Variants in NFIB observed in about 807,000 individuals in gnomAD.
NFIB encodes nuclear factor 1 B-type.
NFIB carries 11 observed loss-of-function variants against 61.5 expected under a neutral mutation model. That is an observed-to-expected ratio of 0.18 (90% CI 0.11 to 0.30). NFIB has a LOEUF of 0.30. Ranked by LOEUF, NFIB falls within the 10% of genes least tolerant of loss-of-function variation. The pLI, the probability that NFIB is intolerant of heterozygous loss-of-function variation, is 1.00. For synonymous variants in NFIB, 260 were observed against 216.5 expected (o/e 1.20, Z -1.76); for missense variants, 471 against 608.9 (o/e 0.77, Z 2.38).
the NFIB span, among the ~76,000 whole-genome samples, chr9:14,455,284 T>C: frequency 2.6e-5 from 4 of 152,358 alleles, no homozygotes; most frequent in South Asian, 8.3e-4. Flanking sequence ...CATGTAATTA[T>C]CTGCTTTTGA....
intron 1 of NFIB, among the ~76,000 whole-genome samples, chr9:14,372,530 A>G (rs968808369): frequency 3.9e-5 from 6 of 151,968 alleles, no homozygotes; most frequent in Non-Finnish European, 7.4e-5. Context: ...AGCTGTGGCT[A>G]TTTTTCAAAT....
intron 2 of NFIB, among the ~76,000 whole-genome samples, chr9:14,187,005 C>CTGTGTG (rs762584581): frequency 1.6e-4 from 10 of 64,146 alleles, no homozygotes; most frequent in East Asian, 8.6e-4. Flanking sequence ...TTCTTCGCTC[C>CTGTGTG]TGTGTGTGTG....
At chr9:14,133,795 A>C (rs999623776) in intron 6 of NFIB, among the ~76,000 whole-genome samples, 5 of 152,226 alleles carry the variant, frequency 3.3e-5, no homozygotes, top group East Asian at 1.9e-4. Context: ...TTAAGATCCC[A>C]GTCCAAAGCT....
rs768882312 is a variant in NFIB, at chr9:14,084,863, G to T, written c.*3446C>A. 1 of 229,034 alleles carries T rather than the reference G, an allele frequency of 4.4e-6. No individual in the cohort carries two copies. The highest frequency in any genetic ancestry group is 8.7e-6 in the Non-Finnish European group (1 of 115,506). The allele number at this position is 229,034 out of a possible 1,614,324, so 14.2% of individuals were successfully genotyped here. ...CTCAAAAAGGAAAGAAGAAAAAATT[G>T]ATTTGAAATAAAAAAAGCAACACTT... On this transcript the variant is annotated 3_prime_UTR_variant, in exon 11 of 11. Coordinates refer to ENST00000380953, the MANE Select transcript of NFIB (RefSeq NM_001190737.2).
At chr9:14,465,572 TACAC>T in the NFIB span, among the ~76,000 whole-genome samples, 26,772 of 146,140 alleles carry the variant, frequency 0.18, 2,497 homozygotes, top group African/African-American at 0.25. Flanking sequence ...AATGACTTGT[TACAC>T]ACACACACAC....
the NFIB span, among the ~76,000 whole-genome samples, chr9:14,426,168 T>C: frequency 5.2e-5 from 6 of 115,476 alleles, no homozygotes; most frequent in Admixed American, 4.1e-4. Context: ...TAAATTTCTA[T>C]GGCAATTCTT....
intron 1 of NFIB, among the ~76,000 whole-genome samples, chr9:14,355,958 A>G (rs1343127128): frequency 6.7e-6 from 1 of 150,352 alleles, no homozygotes; most frequent in African/African-American, 2.5e-5. Flanking sequence ...CTCCGCCTCA[A>G]ACAAACAAAC....
chr9:14,285,523 C>A (rs2058654224), intron 2 of NFIB, among the ~76,000 whole-genome samples: 1 of 152,102 alleles, frequency 6.6e-6, no homozygotes, highest in African/African-American at 2.4e-5. Context: ...CTCTTTTACC[C>A]TACTGGGGCC....
chr9:14,093,452 A>T (rs2034276627), intron 10 of NFIB: 1 of 152,112 alleles, frequency 6.6e-6, no homozygotes, highest in South Asian at 2.1e-4. Flanking sequence ...GTACATATTA[A>T]TACATACCTC....
the NFIB span, among the ~76,000 whole-genome samples, chr9:14,468,236 G>T: frequency 9.2e-5 from 14 of 152,228 alleles, no homozygotes; most frequent in Non-Finnish European, 1.6e-4. Flanking sequence ...TAAGAAGAGT[G>T]AATGAATATA....
In NFIB at chr9:14,116,201, G is replaced by A; in HGVS notation, c.1384+7C>T. 6.7e-7 allele frequency: 1 copy of A among 1,494,966 alleles called. No homozygotes were observed. The highest frequency in any genetic ancestry group is 9.0e-7 in the Non-Finnish European group (1 of 1,115,380). 92.6% of individuals were successfully genotyped at this position (1,494,966 alleles called of 1,614,324 possible). A position where few individuals can be genotyped will look rare whatever the true frequency, so the allele number is the denominator to read the frequency against. ...CTTACTGGTTGCTGTAGGTGAAGCT[G>A]CCTCACCTTCAGTGGATGTAGTGAT... is the stretch of plus-strand genomic sequence containing the variant. On this transcript the variant is annotated splice_region_variant and intron_variant, in intron 9 of 10. Transcript: ENST00000380953.
At chr9:14,513,094 C>G in the NFIB span, among the ~76,000 whole-genome samples, 5 of 152,072 alleles carry the variant, frequency 3.3e-5, no homozygotes, top group South Asian at 4.1e-4. Flanking sequence ...TATACCCACA[C>G]AGAGATGCAG....
the NFIB span, among the ~76,000 whole-genome samples, chr9:14,488,679 C>T: frequency 6.6e-6 from 1 of 152,152 alleles, no homozygotes; most frequent in Non-Finnish European, 1.5e-5. Context: ...GCTACGCAGC[C>T]TCAACCTTCC....
chr9:14,459,813 A>G, the NFIB span, among the ~76,000 whole-genome samples: 7 of 151,346 alleles, frequency 4.6e-5, no homozygotes, highest in African/African-American at 1.7e-4. Context: ...CAAAACCGCA[A>G]TGAGATACCA....
At chr9:14,482,498 T>A in the NFIB span, among the ~76,000 whole-genome samples, 536 of 152,282 alleles carry the variant, frequency 3.5e-3, 2 homozygotes, top group Non-Finnish European at 5.0e-3. Flanking sequence ...AGTGAACAGT[T>A]TAGACATTAT....
Position 14,150,262 on chromosome 9 carries a change from G to C in NFIB, c.689C>G (p.Pro230Arg). 1 of 1,613,282 alleles carries C rather than the reference G, an allele frequency of 6.2e-7. No individual in the cohort carries two copies. The highest frequency in any genetic ancestry group is 8.5e-7 in the Non-Finnish European group (1 of 1,179,422). Residue 230 changes from proline to arginine, a missense_variant, in exon 5 of 11, where the codon CCC becomes CGC. Around this residue, in one of 2 missense-constraint regions of NFIB, gnomAD observed 372 missense variants for 395.6 expected, o/e 0.94. Transcript: ENST00000380953. ...GTTGACTCCAGTTCCCTGGGTTATGGGCGCTGAGGAATAAGACAAAGAAGC... is the reference window on the plus strand; with the variant it reads ...GTTGACTCCAGTTCCCTGGGTTATGCGCGCTGAGGAATAAGACAAAGAAGC... ...VSELVRVSRT[P>R]ITQGTGVNFP...
chr9:14,380,130 T>C (rs2061470322), intron 1 of NFIB, among the ~76,000 whole-genome samples: 1 of 152,172 alleles, frequency 6.6e-6, no homozygotes, highest in Non-Finnish European at 1.5e-5. Flanking sequence ...CTCAATCCAA[T>C]AAATAGACTC....
At position 14,274,564 on chromosome 9, in the gene NFIB, A is replaced by G. The variant is rs138480707; in HGVS notation, c.562+32425T>C. Among the ~76,000 whole-genome samples, 930 of 152,126 alleles carry G rather than the reference A, an allele frequency of 6.1e-3. 14 individuals are homozygous for G. The highest frequency in any genetic ancestry group is 0.019 in the African/African-American group (808 of 41,488). On this transcript the variant is annotated intron_variant, in intron 2 of 10. Coordinates refer to ENST00000380953, the MANE Select transcript of NFIB (RefSeq NM_001190737.2). ...CAAAGGGAAGTTAGAAGCATTCTTC[A>G]CTCTTCCCCTTTTAGATTATTTGCA...
intron 2 of NFIB, among the ~76,000 whole-genome samples, chr9:14,246,429 C>T (rs1168202046): frequency 1.3e-5 from 2 of 152,144 alleles, no homozygotes; most frequent in Non-Finnish European, 2.9e-5. Context: ...CCTGCAAAAT[C>T]CCATTTACCC....
Sources: gnomAD v4.1 joint callset for allele counts (sites outside exome capture counted in the v4.1 genomes callset) on GRCh38, gnomAD v4.1.1 for gene constraint, gnomAD v4.1.1 regional missense constraint, MANE v1.5 for transcripts, NCBI Gene and HGNC (gene_info 2026-07-23, HGNC 2026-07-21) for gene names.